Variants in METTL22 observed in about 807,000 individuals in gnomAD.
METTL22 encodes the protein methyltransferase-like protein 22.
Under a neutral mutation model 48.4 loss-of-function variants are expected in METTL22, and 51 were observed. That is an observed-to-expected ratio of 1.05 (90% CI 0.84 to 1.33). METTL22 has a LOEUF of 1.33. Ranked by LOEUF, METTL22 falls within the 40% of genes most tolerant of loss-of-function variation. The pLI, the probability that METTL22 is intolerant of heterozygous loss-of-function variation, is 0.00. For missense variants in METTL22, 678 were observed against 526.9 expected (o/e 1.29, Z -2.81); for synonymous variants, 255 against 214.1 (o/e 1.19, Z -1.67).
Position 8,646,300 on chromosome 16 carries a change from C to A in METTL22, c.*157C>A. The A allele has an allele frequency of 1.1e-6, 1 of 900,678 alleles. No individual in the cohort carries two copies. Among genetic ancestry groups the A allele is most frequent in the Non-Finnish European group, 1.8e-6 (1 of 562,536 alleles). 55.8% of individuals were successfully genotyped at this position (900,678 alleles called of 1,614,324 possible). A position where few individuals can be genotyped will look rare whatever the true frequency, so the allele number is the denominator to read the frequency against. ...CCCAAGATGGTTTTCTGGGGTCTGT[C>A]CCTGCCTCCCAGTTGTAGCCAGAGA... On this transcript the variant is annotated 3_prime_UTR_variant, in exon 11 of 11. Coordinates refer to ENST00000381920, the MANE Select transcript of METTL22 (RefSeq NM_024109.4).
At chr16:8,662,118 C>T in the METTL22 span, among the ~76,000 whole-genome samples, 109,122 of 144,454 alleles carry the variant, frequency 0.76, 45,864 homozygotes, top group East Asian at 0.99. Flanking sequence ...GGCACGTGTC[C>T]GTAGTCCCAG....
intron 8 of METTL22, 22 bp downstream of exon 8, chr16:8,642,229 C>T (rs371051377): frequency 2.0e-5 from 32 of 1,586,258 alleles, no homozygotes; most frequent in Admixed American, 3.3e-5. Flanking sequence ...TCTCCTTCGC[C>T]GTACACGTCC....
At chr16:8,655,240 A>G in the METTL22 span, among the ~76,000 whole-genome samples, 1 of 152,188 alleles carries the variant, frequency 6.6e-6, no homozygotes, top group African/African-American at 2.4e-5. Context: ...TAAGGCTACA[A>G]GGAGTTCAGC....
intron 9 of METTL22, among the ~76,000 whole-genome samples, chr16:8,643,192 T>C (rs2056678631): frequency 6.6e-6 from 1 of 152,230 alleles, no homozygotes; most frequent in Admixed American, 6.5e-5. Flanking sequence ...CAATTCAGCA[T>C]CTGGAAATTC....
chr16:8,655,404 T>A, the METTL22 span, among the ~76,000 whole-genome samples: 1 of 152,352 alleles, frequency 6.6e-6, no homozygotes, highest in African/African-American at 2.4e-5. Context: ...TTCTCTGCCA[T>A]GTGGGCCTCT....
At chr16:8,658,598 A>C in the METTL22 span, among the ~76,000 whole-genome samples, 1 of 152,220 alleles carries the variant, frequency 6.6e-6, no homozygotes, top group African/African-American at 2.4e-5. Flanking sequence ...AATACTTGGC[A>C]TCGGTCAGAA....
intron 5 of METTL22, among the ~76,000 whole-genome samples, chr16:8,638,210 G>T (rs574889893): frequency 1.3e-5 from 2 of 152,248 alleles, no homozygotes; most frequent in East Asian, 3.9e-4. Context: ...CTTGGCCTAG[G>T]AGATAGGGTA....
the METTL22 span, among the ~76,000 whole-genome samples, chr16:8,656,903 G>A: frequency 6.6e-6 from 1 of 152,254 alleles, no homozygotes; most frequent in Admixed American, 6.5e-5. Context: ...GAACAGTAAA[G>A]AGAGGATGAG....
rs765640198 is a variant in METTL22 at position 8,628,945 on chromosome 16, G to T, written c.349G>T (p.Asp117Tyr). Reference sequence around the variant, plus strand: ...CCAGGAAGTGGCTGAAGCTCAGCTGGATGAGGATGGGGATTTGGACGTGGT... The same window carrying T: ...CCAGGAAGTGGCTGAAGCTCAGCTGTATGAGGATGGGGATTTGGACGTGGT... ...TGQEVAEAQL[D>Y]EDGDLDVVRR... Residue 117 changes from aspartate (D) to tyrosine (Y), a missense_variant, in exon 3 of 11, where the codon GAT becomes TAT. Transcript: ENST00000381920. The T allele has an allele frequency of 1.2e-6, 2 of 1,614,168 alleles. No homozygotes were observed. Among genetic ancestry groups the T allele is most frequent in the South Asian group, 1.1e-5 (1 of 91,092 alleles).
chr16:8,645,791 T>C (rs62030943), intron 10 of METTL22: 457,956 of 460,486 alleles, frequency 0.99, 227,788 homozygotes, highest in East Asian at 1. Context: ...TAAAATTGTT[T>C]ATAAAGATCT....
chr16:8,621,837 C>G (rs1029659549), intron 1 of METTL22, 62 bp downstream of exon 1: 4 of 152,302 alleles, frequency 2.6e-5, no homozygotes, highest in African/African-American at 9.6e-5. Flanking sequence ...GGCGCCGAGC[C>G]TGACTTTGAA....
At chr16:8,657,003 T>A in the METTL22 span, among the ~76,000 whole-genome samples, 2 of 152,212 alleles carry the variant, frequency 1.3e-5, no homozygotes, top group Non-Finnish European at 2.9e-5. Context: ...ATAACAGGAT[T>A]AATCCACAGA....
downstream of METTL22, among the ~76,000 whole-genome samples, chr16:8,650,975 T>A (rs1017513683): frequency 5.3e-5 from 8 of 151,942 alleles, no homozygotes; most frequent in African/African-American, 1.9e-4. Context: ...GAGCTAAGAT[T>A]GCACCATTGC....
intron 8 of METTL22, 68 bp from the exon 9 acceptor site, chr16:8,642,395 C>T (rs1567243634): frequency 6.8e-7 from 1 of 1,473,102 alleles, no homozygotes; most frequent in Admixed American, 1.7e-5. Context: ...GTGCGGATTG[C>T]TCTGAAAAGT....
the METTL22 span, among the ~76,000 whole-genome samples, chr16:8,660,975 C>G: frequency 4.6e-5 from 7 of 151,864 alleles, no homozygotes; most frequent in African/African-American, 1.7e-4. Flanking sequence ...GACTCTGGCC[C>G]GACCAGTGGG....
At chr16:8,644,817 C>T in intron 10 of METTL22, 92 bp downstream of exon 10, 1 of 1,316,218 alleles carries the variant, frequency 7.6e-7, no homozygotes, top group East Asian at 2.8e-5. Context: ...GCCCTCCAAG[C>T]ACAGGCTCCA....
chr16:8,641,745 A>G lies in METTL22; in HGVS notation c.827-382A>G, dbSNP rs150925490. 2,279 of 403,688 alleles carry G rather than the reference A, an allele frequency of 5.6e-3. 17 individuals are homozygous for G. The highest frequency in any genetic ancestry group is 9.3e-3 in the South Asian group (420 of 45,172). The allele number at this position is 403,688 out of a possible 1,614,324, so 25.0% of individuals were successfully genotyped here. A position where few individuals can be genotyped will look rare whatever the true frequency, so the allele number is the denominator to read the frequency against. ...CACCGTAGGCCCTTCGGCCCTCCCAATAGTCCTGTGAGGAAGTAGTACTGT... is the reference window on the plus strand; with the variant it reads ...CACCGTAGGCCCTTCGGCCCTCCCAGTAGTCCTGTGAGGAAGTAGTACTGT... On this transcript the variant is annotated intron_variant, in intron 7 of 10. Transcript: ENST00000381920.
chr16:8,651,400 A>AAAAAAAAAAAAAAAAAAT, downstream of METTL22, among the ~76,000 whole-genome samples: 1 of 150,548 alleles, frequency 6.6e-6, no homozygotes, highest in Non-Finnish European at 1.5e-5. Context: ...AAAAAAAAAA[A>AAAAAAAAAAAAAAAAAAT]AAACATACTA....
intron 3 of METTL22, among the ~76,000 whole-genome samples, chr16:8,633,983 G>A (rs1381109099): frequency 6.6e-6 from 1 of 152,248 alleles, no homozygotes; most frequent in African/African-American, 2.4e-5. Context: ...TTCGGCAGGT[G>A]TATTTCTGTT....
Sources: gnomAD v4.1 joint callset for allele counts (sites outside exome capture counted in the v4.1 genomes callset) on GRCh38, gnomAD v4.1.1 for gene constraint, MANE v1.5 for transcripts, NCBI Gene and HGNC (gene_info 2026-07-23, HGNC 2026-07-21) for gene names.